TBL1X: variants seen among roughly 807,000 people sequenced by gnomAD.
TBL1X encodes the protein transducin beta like 1 X-linked.
Under a neutral mutation model 50.7 loss-of-function variants are expected in TBL1X, and 10 were observed. The ratio of observed to expected loss-of-function variants is 0.20; its 90% confidence interval spans 0.12 to 0.33. The LOEUF (loss-of-function observed/expected upper bound fraction) is 0.33, where lower values mean the gene tolerates loss of function less well. Ranked by LOEUF, TBL1X falls within the 10% of genes least tolerant of loss-of-function variation. TBL1X has a pLI of 1.00. For synonymous variants in TBL1X, 190 were observed against 214.7 expected, an observed-to-expected ratio of 0.88 and a Z score of 1.01; for missense variants, 340 against 504.4, an observed-to-expected ratio of 0.67 and a Z score of 3.12.
intron 1 of TBL1X, among the ~76,000 whole-genome samples, chrX:9,497,276 T>G (rs2081975579): frequency 9.2e-6 from 1 of 108,791 alleles, no homozygotes; most frequent in Non-Finnish European, 1.9e-5. Flanking sequence ...GGGTGTGGTG[T>G]TGTGTGCCTG....
chrX:9,469,329 A>T (rs1166987320), intron 1 of TBL1X, among the ~76,000 whole-genome samples: 1 of 110,506 alleles, frequency 9.0e-6, no homozygotes, highest in African/African-American at 3.3e-5. Context: ...CACCCGGCTG[A>T]TTTTTGTATT....
intron 2 of TBL1X, among the ~76,000 whole-genome samples, chrX:9,625,866 C>T (rs1306998710): frequency 9.0e-6 from 1 of 111,642 alleles, no homozygotes; most frequent in Non-Finnish European, 1.9e-5. Flanking sequence ...TTGAACCCGG[C>T]GGGGGGGCGG....
At chrX:9,568,717 C>G (rs2082365921) in intron 2 of TBL1X, among the ~76,000 whole-genome samples, 1 of 100,568 alleles carries the variant, frequency 9.9e-6, no homozygotes, top group East Asian at 3.3e-4. Context: ...TGTCTATCTG[C>G]AGTGTGCTGT....
intron 2 of TBL1X, among the ~76,000 whole-genome samples, chrX:9,546,803 A>ATTTTTTTTTTTTTTT (rs774181046): frequency 1.3e-4 from 6 of 44,980 alleles, no homozygotes; most frequent in Non-Finnish European, 1.5e-4. Flanking sequence ...TTTATTCTTA[A>ATTTTTTTTTTTTTTT]TTTTTTTTTT....
intron 2 of TBL1X, among the ~76,000 whole-genome samples, chrX:9,607,848 C>A (rs1473756630): frequency 1.8e-5 from 2 of 109,829 alleles, no homozygotes; most frequent in Non-Finnish European, 3.8e-5. Flanking sequence ...AGTCTTCACT[C>A]TGTCACCCAG....
At position 9,523,960 on chromosome X, in the gene TBL1X, CTTTTTTTTTTTT is replaced by C. The variant is rs63038662; in HGVS notation, c.-131+22126_-131+22137del. On this transcript the variant is annotated intron_variant, in intron 2 of 17. Coordinates refer to ENST00000645353, the MANE Select transcript of TBL1X (RefSeq NM_005647.4). ...TAATATAAAATTTAGTCATTTTAAC[CTTTTTTTTTTTT>C]TTTTTTTTTTTTTTAGACAGAGTCT... 1.2e-4 allele frequency among the ~76,000 whole-genome samples: 5 copies of C among 40,816 alleles called. No homozygotes were observed. The South Asian group carries it at 7.1e-3, about 58-fold the overall frequency. 35.4% of individuals were successfully genotyped at this position (40,816 alleles called of 115,157 possible). A position where few individuals can be genotyped will look rare whatever the true frequency, so the allele number is the denominator to read the frequency against.
chrX:9,700,279 G>C (rs2083161468), intron 12 of TBL1X, among the ~76,000 whole-genome samples: 2 of 112,581 alleles, frequency 1.8e-5, no homozygotes, highest in Non-Finnish European at 3.8e-5. Context: ...AATGCAGAAA[G>C]CTCTGGCTTC....
At chrX:9,665,539 A>ATATATATATATATATATATATAT (rs3043954) in intron 5 of TBL1X, among the ~76,000 whole-genome samples, 2 of 62,898 alleles carry the variant, frequency 3.2e-5, no homozygotes, top group Non-Finnish European at 5.7e-5. Flanking sequence ...ATATATATAT[A>ATATATATATATATATATATATAT]AAAGGCCTTG....
intron 16 of TBL1X, among the ~76,000 whole-genome samples, chrX:9,713,922 T>TGTGAC (rs753647119): frequency 9.0e-6 from 1 of 111,411 alleles, no homozygotes; most frequent in Non-Finnish European, 1.9e-5. Context: ...TTCTCCTGCC[T>TGTGAC]GTCACCATAG....
chrX:9,575,114 G>A (rs954781561), intron 2 of TBL1X, among the ~76,000 whole-genome samples: 5 of 111,600 alleles, frequency 4.5e-5, no homozygotes, highest in African/African-American at 1.3e-4. Flanking sequence ...GGCAGAAGGC[G>A]AAGAGGAGGC....
intron 2 of TBL1X, among the ~76,000 whole-genome samples, chrX:9,525,074 C>G (rs1052549645): frequency 4.5e-5 from 5 of 111,245 alleles, no homozygotes; most frequent in Non-Finnish European, 7.5e-5. Context: ...ATGATGGTTC[C>G]TTGGACCAGG....
chrX:9,587,970 T>C (rs2082479792), intron 2 of TBL1X, among the ~76,000 whole-genome samples: 1 of 111,747 alleles, frequency 8.9e-6, no homozygotes, highest in African/African-American at 3.3e-5. Flanking sequence ...GTGCCAGACA[T>C]TCCTTTCTGT....
chrX:9,600,895 G>A (rs190958905), intron 2 of TBL1X, among the ~76,000 whole-genome samples: 5 of 111,380 alleles, frequency 4.5e-5, no homozygotes, highest in South Asian at 3.8e-4. Flanking sequence ...CGGTGCTGGC[G>A]TTTCAGCTGA....
chrX:9,488,330 G>A (rs2081924155), intron 1 of TBL1X, among the ~76,000 whole-genome samples: 1 of 112,291 alleles, frequency 8.9e-6, no homozygotes, highest in African/African-American at 3.2e-5. Flanking sequence ...GGAAGCTCTA[G>A]GGGAGAATTG....
At chrX:9,687,917 C>T (rs1416882813) in intron 6 of TBL1X, 100 bp from the exon 7 acceptor site, 30 of 1,116,968 alleles carry the variant, frequency 2.7e-5, no homozygotes, top group Middle Eastern at 2.8e-4. Context: ...CAGCTGTTTA[C>T]GCCCCACTTC....
At chrX:9,565,203 T>A (rs746831421) in intron 2 of TBL1X, among the ~76,000 whole-genome samples, 1 of 91,691 alleles carries the variant, frequency 1.1e-5, no homozygotes, top group Non-Finnish European at 2.1e-5. Context: ...ACCCGGGAGG[T>A]GGAGCTTGCA....
At chrX:9,538,908 A>C (rs987139808) in intron 2 of TBL1X, among the ~76,000 whole-genome samples, 26 of 112,844 alleles carry the variant, frequency 2.3e-4, no homozygotes, top group Admixed American at 1.9e-4. Context: ...TCCTCTCAGC[A>C]CAAGATGAGG....
At chrX:9,630,187 G>A (rs976506220) in intron 2 of TBL1X, among the ~76,000 whole-genome samples, 2 of 111,757 alleles carry the variant, frequency 1.8e-5, no homozygotes, top group Non-Finnish European at 3.8e-5. Flanking sequence ...TCATCGTGTC[G>A]TGTTAAGTTC....
At chrX:9,694,073 A>G (rs946541485) in intron 11 of TBL1X, among the ~76,000 whole-genome samples, 8 of 111,271 alleles carry the variant, frequency 7.2e-5, no homozygotes, top group Non-Finnish European at 1.3e-4. Context: ...TGATCCAGCC[A>G]GCAACCTCGG....
Sources: gnomAD v4.1 joint callset for allele counts (sites outside exome capture counted in the v4.1 genomes callset) on GRCh38, gnomAD v4.1.1 for gene constraint, MANE v1.5 for transcripts, NCBI Gene and HGNC (gene_info 2026-07-23, HGNC 2026-07-21) for gene names.